CHRM3: variants seen among roughly 807,000 people sequenced by gnomAD.
The protein encoded by CHRM3 is muscarinic acetylcholine receptor M3.
CHRM3 carries 11 observed loss-of-function variants against 41.8 expected under a neutral mutation model. The observed-to-expected ratio is 0.26, with a 90% CI of 0.17 to 0.44. The LOEUF is 0.44. Ranked by LOEUF, CHRM3 falls within the 20% of genes least tolerant of loss-of-function variation. CHRM3 has a pLI of 1.00. For synonymous variants in CHRM3, 297 were observed against 301.4 expected, an observed-to-expected ratio of 0.99 and a Z score of 0.15; for missense variants, 571 against 745.4, an observed-to-expected ratio of 0.77 and a Z score of 2.72.
intron 1 of CHRM3, among the ~76,000 whole-genome samples, chr1:239,422,833 A>G (rs1662064352): frequency 6.6e-6 from 1 of 152,132 alleles, no homozygotes; most frequent in African/African-American, 2.4e-5. Flanking sequence ...CAGTTTTTAT[A>G]AAGATCATAA....
intron 4 of CHRM3, among the ~76,000 whole-genome samples, chr1:239,650,147 A>G (rs1475571912): frequency 6.6e-6 from 1 of 152,162 alleles, no homozygotes; most frequent in Non-Finnish European, 1.5e-5. Flanking sequence ...CTCTGTCAGT[A>G]ACTGATGTGT....
At chr1:239,455,285 A>G (rs934875659) in intron 1 of CHRM3, among the ~76,000 whole-genome samples, 1 of 151,534 alleles carries the variant, frequency 6.6e-6, no homozygotes, top group Admixed American at 6.6e-5. Context: ...TCCCAACCTC[A>G]GGTGATCTAC....
At chr1:239,561,172 T>C (rs1322775634) in intron 3 of CHRM3, among the ~76,000 whole-genome samples, 1 of 152,196 alleles carries the variant, frequency 6.6e-6, no homozygotes, top group Non-Finnish European at 1.5e-5. Context: ...ATCAGTTATC[T>C]GCAGAGTCAT....
intron 5 of CHRM3, among the ~76,000 whole-genome samples, chr1:239,717,594 A>C (rs1176853384): frequency 6.6e-6 from 1 of 151,986 alleles, no homozygotes; most frequent in Non-Finnish European, 1.5e-5. Context: ...GCAATAACCT[A>C]TGTGGTAAAG....
intron 3 of CHRM3, among the ~76,000 whole-genome samples, chr1:239,560,208 A>G (rs1558319135): frequency 6.6e-6 from 1 of 152,246 alleles, no homozygotes; most frequent in South Asian, 2.1e-4. Flanking sequence ...TAACTTTACA[A>G]TAATGTTAGG....
chr1:239,790,401 TC>T (rs2148856726), intron 5 of CHRM3, among the ~76,000 whole-genome samples: 1 of 152,216 alleles, frequency 6.6e-6, no homozygotes, highest in Non-Finnish European at 1.5e-5. Flanking sequence ...GGGGGAAGTT[TC>T]CCCCAAACTG....
intron 6 of CHRM3, among the ~76,000 whole-genome samples, chr1:239,869,046 G>A (rs1676354806): frequency 6.6e-6 from 1 of 152,106 alleles, no homozygotes; most frequent in Admixed American, 6.5e-5. Context: ...TAAGATGAAG[G>A]TTGGCTGCAG....
At chr1:239,812,635 A>G in intron 5 of CHRM3, among the ~76,000 whole-genome samples, 1 of 152,196 alleles carries the variant, frequency 6.6e-6, no homozygotes, top group East Asian at 1.9e-4. Flanking sequence ...CAGTGGCAAA[A>G]CAAAAATTTA....
chr1:239,842,897 A>G (rs1024435540), intron 6 of CHRM3, among the ~76,000 whole-genome samples: 2 of 152,176 alleles, frequency 1.3e-5, no homozygotes, highest in African/African-American at 2.4e-5. Context: ...CTAGATCACC[A>G]GGGTCCTACA....
At chr1:239,838,282 A>G (rs1027744501) in intron 6 of CHRM3, among the ~76,000 whole-genome samples, 2 of 152,178 alleles carry the variant, frequency 1.3e-5, no homozygotes, top group African/African-American at 4.8e-5. Context: ...CAGAGCTCCA[A>G]CTTAATTGTA....
intron 4 of CHRM3, among the ~76,000 whole-genome samples, chr1:239,661,187 T>C (rs1174101835): frequency 2.0e-5 from 3 of 152,202 alleles, no homozygotes; most frequent in African/African-American, 7.2e-5. Context: ...TACTTTTATT[T>C]TGATGTTAAC....
At chr1:239,558,657 G>T (rs1019004590) in intron 3 of CHRM3, among the ~76,000 whole-genome samples, 12 of 152,258 alleles carry the variant, frequency 7.9e-5, no homozygotes, top group African/African-American at 2.9e-4. Flanking sequence ...ACAGTCAAAC[G>T]TTCTAAGCTC....
chr1:239,735,886 C>T (rs965887611), intron 5 of CHRM3, among the ~76,000 whole-genome samples: 2 of 152,036 alleles, frequency 1.3e-5, no homozygotes, highest in African/African-American at 4.8e-5. Context: ...CTTGGGGATA[C>T]GTGGATGTGC....
chr1:239,641,660 T>G (rs1355303650), intron 4 of CHRM3, among the ~76,000 whole-genome samples: 1 of 146,738 alleles, frequency 6.8e-6, no homozygotes, highest in Admixed American at 6.9e-5. Flanking sequence ...TATGTGTGTC[T>G]CTGCACGTGA....
chr1:239,518,028 C>G (rs990496899), intron 2 of CHRM3, among the ~76,000 whole-genome samples: 4 of 152,108 alleles, frequency 2.6e-5, no homozygotes, highest in African/African-American at 4.8e-5. Context: ...ATCGTTTGAA[C>G]CTGGGAGGCG....
intron 5 of CHRM3, among the ~76,000 whole-genome samples, chr1:239,767,491 G>C (rs932235945): frequency 6.6e-6 from 1 of 152,116 alleles, no homozygotes; most frequent in South Asian, 2.1e-4. Context: ...AGGGGACTTT[G>C]GGGGTTATGA....
chr1:239,583,808 T>A (rs891360171), intron 3 of CHRM3, among the ~76,000 whole-genome samples: 17 of 152,210 alleles, frequency 1.1e-4, no homozygotes, highest in African/African-American at 3.9e-4. Flanking sequence ...TTACTAATCA[T>A]TCATTTTTAT....
At chr1:239,825,594 A>T (rs1361958624) in intron 5 of CHRM3, among the ~76,000 whole-genome samples, 6 of 152,234 alleles carry the variant, frequency 3.9e-5, no homozygotes, top group Non-Finnish European at 8.8e-5. Context: ...TAGCAGCATT[A>T]TTCACAATAC....
chr1:239,814,822 G>A (rs12029064), intron 5 of CHRM3, among the ~76,000 whole-genome samples: 35,657 of 151,898 alleles, frequency 0.23, 4,380 homozygotes, highest in East Asian at 0.43. Flanking sequence ...TTTCTCTGTC[G>A]CCCAGACTAG....
Sources: gnomAD v4.1 joint callset for allele counts (sites outside exome capture counted in the v4.1 genomes callset) on GRCh38, gnomAD v4.1.1 for gene constraint, MANE v1.5 for transcripts, NCBI Gene and HGNC (gene_info 2026-07-23, HGNC 2026-07-21) for gene names.